FTCDNL1: variants seen among roughly 807,000 people sequenced by gnomAD.
FTCDNL1 encodes formiminotransferase N-terminal subdomain-containing protein.
A neutral mutation model predicts 5.9 loss-of-function variants in FTCDNL1; 11 were observed. The observed-to-expected ratio is 1.87, with a 90% CI of 1.18 to 3.10. FTCDNL1 has a LOEUF of 3.10. FTCDNL1 is among the 30% of genes most tolerant of loss of function. FTCDNL1 has a pLI of 0.00. For missense variants in FTCDNL1, 115 were observed against 65.5 expected (o/e 1.76, Z -2.61); for synonymous variants, 58 against 24.8 (o/e 2.34, Z -3.99).
chr2:199,791,515 C>G (rs1163687224), intron 3 of FTCDNL1, among the ~76,000 whole-genome samples: 1 of 152,130 alleles, frequency 6.6e-6, no homozygotes, highest in Non-Finnish European at 1.5e-5. Flanking sequence ...AAGCACTACA[C>G]TTTAGTCACT....
At chr2:199,666,394 A>T in the FTCDNL1 span, among the ~76,000 whole-genome samples, 32 of 152,338 alleles carry the variant, frequency 2.1e-4, no homozygotes, top group African/African-American at 7.0e-4. Flanking sequence ...TATACTCTAA[A>T]CAAAAAACAA....
chr2:199,726,869 G>T, the FTCDNL1 span, among the ~76,000 whole-genome samples: 1 of 152,168 alleles, frequency 6.6e-6, no homozygotes, highest in Non-Finnish European at 1.5e-5. Context: ...CTATTGGGAG[G>T]TCTCACCCAG....
intron 3 of FTCDNL1, among the ~76,000 whole-genome samples, chr2:199,799,948 A>C (rs1700360796): frequency 6.7e-6 from 1 of 148,852 alleles, no homozygotes; most frequent in Admixed American, 7.1e-5. Context: ...CTGAATACCC[A>C]GAGTTTCCAT....
intron 3 of FTCDNL1, among the ~76,000 whole-genome samples, chr2:199,803,323 G>A (rs1016173041): frequency 3.7e-4 from 56 of 151,994 alleles, no homozygotes; most frequent in African/African-American, 1.3e-3. Context: ...AACTGCCATA[G>A]AGGGGTGAGT....
intron 3 of FTCDNL1, among the ~76,000 whole-genome samples, chr2:199,831,164 G>C (rs540473547): frequency 4.6e-5 from 7 of 152,240 alleles, no homozygotes; most frequent in Admixed American, 3.3e-4. Flanking sequence ...TCTCTGAGTT[G>C]TCAGTTTATT....
At chr2:199,753,147 T>A in the FTCDNL1 span, among the ~76,000 whole-genome samples, 2 of 152,148 alleles carry the variant, frequency 1.3e-5, no homozygotes, top group Non-Finnish European at 2.9e-5. Flanking sequence ...TATAAAGGTA[T>A]GTGGTGATAG....
the FTCDNL1 span, among the ~76,000 whole-genome samples, chr2:199,707,946 C>T: frequency 2.6e-3 from 388 of 151,996 alleles, 1 homozygote; most frequent in Middle Eastern, 3.4e-3. Flanking sequence ...TGTACTGTAT[C>T]CTGGATCTAT....
intron 3 of FTCDNL1, among the ~76,000 whole-genome samples, chr2:199,843,902 T>A (rs1252669535): frequency 1.3e-5 from 2 of 151,296 alleles, no homozygotes; most frequent in African/African-American, 4.9e-5. Context: ...ATCATTCAAG[T>A]GGCAGTTCAG....
chr2:199,730,788 T>C, the FTCDNL1 span, among the ~76,000 whole-genome samples: 1 of 152,330 alleles, frequency 6.6e-6, no homozygotes, highest in South Asian at 2.1e-4. Flanking sequence ...AGAGTGGCGA[T>C]TCCCCAAGGA....
chr2:199,669,784 C>G, the FTCDNL1 span, among the ~76,000 whole-genome samples: 1 of 152,244 alleles, frequency 6.6e-6, no homozygotes, highest in Non-Finnish European at 1.5e-5. Flanking sequence ...CTATTCTTAC[C>G]TCCGTCCTTG....
chr2:199,680,484 C>T, the FTCDNL1 span, among the ~76,000 whole-genome samples: 1 of 152,136 alleles, frequency 6.6e-6, no homozygotes, highest in African/African-American at 2.4e-5. Context: ...ACTGAGGGAA[C>T]TGGGGGCTTG....
the FTCDNL1 span, among the ~76,000 whole-genome samples, chr2:199,728,528 G>C: frequency 7.2e-5 from 11 of 152,108 alleles, no homozygotes; most frequent in Non-Finnish European, 1.6e-4. Flanking sequence ...GATTACAGGC[G>C]TGAGCCACCA....
chr2:199,733,884 C>CT, the FTCDNL1 span, among the ~76,000 whole-genome samples: 8 of 150,104 alleles, frequency 5.3e-5, no homozygotes, highest in Non-Finnish European at 7.4e-5. Context: ...TTTTTAATTT[C>CT]TTTTTTTGGC....
At chr2:199,723,430 C>G in the FTCDNL1 span, among the ~76,000 whole-genome samples, 1 of 151,876 alleles carries the variant, frequency 6.6e-6, no homozygotes, top group Non-Finnish European at 1.5e-5. Flanking sequence ...GTTGAATAGG[C>G]GTGGCAAGAG....
chr2:199,726,806 G>T, the FTCDNL1 span, among the ~76,000 whole-genome samples: 1 of 152,114 alleles, frequency 6.6e-6, no homozygotes, highest in Non-Finnish European at 1.5e-5. Context: ...GTCCCAGAGG[G>T]GCACCAAGCT....
chr2:199,830,556 C>T (rs747298496), intron 3 of FTCDNL1, among the ~76,000 whole-genome samples: 4 of 152,144 alleles, frequency 2.6e-5, no homozygotes, highest in Non-Finnish European at 5.9e-5. Context: ...AACCAGTATT[C>T]GTCCCATATG....
chr2:199,765,532 TTA>T lies in FTCDNL1; in HGVS notation c.212-4699_212-4698del, dbSNP rs1319054963. ...ACGTGGCATCTCTTTTTTGTCTTCATTATATATATATATATATATATATATTT... is the reference window on the plus strand; with the variant it reads ...ACGTGGCATCTCTTTTTTGTCTTCATTATATATATATATATATATATATTT... On this transcript the variant is annotated intron_variant, in intron 3 of 3. Transcript: ENST00000416668. Among the ~76,000 whole-genome samples, 171 of 79,604 alleles carry T rather than the reference TTA, an allele frequency of 2.1e-3. 10 individuals carry two copies. The highest frequency in any genetic ancestry group is 0.013 in the Middle Eastern group (2 of 152). 52.2% of individuals were successfully genotyped at this position (79,604 alleles called of 152,430 possible).
chr2:199,796,851 T>C (rs921140220), intron 3 of FTCDNL1, among the ~76,000 whole-genome samples: 2 of 152,166 alleles, frequency 1.3e-5, no homozygotes, highest in African/African-American at 4.8e-5. Context: ...GTCTTTTAAA[T>C]ATGTGTAACC....
Position 199,791,641 on chromosome 2 carries a change from T to G in FTCDNL1, c.212-30806A>C, listed in dbSNP as rs1436883103. On this transcript the variant is annotated intron_variant, in intron 3 of 3. Coordinates refer to the FTCDNL1 transcript ENST00000416668. Reference sequence around the variant, plus strand: ...AGAATTGGTCATTTTATGTGTTGTATTAACACATTTAATAGTGTCATTGTA... The same window carrying G: ...AGAATTGGTCATTTTATGTGTTGTAGTAACACATTTAATAGTGTCATTGTA... Among the ~76,000 whole-genome samples, 5 of 152,300 alleles carry G rather than the reference T, an allele frequency of 3.3e-5. No homozygotes were observed. The East Asian group carries it at 9.6e-4, about 29-fold the overall frequency.
Sources: gnomAD v4.1 joint callset for allele counts (sites outside exome capture counted in the v4.1 genomes callset) on GRCh38, gnomAD v4.1.1 for gene constraint, MANE v1.5 for transcripts, NCBI Gene and HGNC (gene_info 2026-07-23, HGNC 2026-07-21) for gene names.